ICA1: variants seen among roughly 807,000 people sequenced by gnomAD.
The protein encoded by ICA1 is 69 kDa islet cell autoantigen.
Under a neutral mutation model 71.0 loss-of-function variants are expected in ICA1, and 40 were observed. That is an observed-to-expected ratio of 0.56 (90% confidence interval 0.44 to 0.73). ICA1 has a LOEUF of 0.73. ICA1 is among the 30% of genes least tolerant of loss of function. The probability of loss-of-function intolerance (pLI) is 0.00; values close to 1 mark genes in which losing one functional copy is unlikely to be tolerated. For synonymous variants in ICA1, 207 were observed against 209.5 expected, an observed-to-expected ratio of 0.99 and a Z score of 0.10; for missense variants, 578 against 576.5, an observed-to-expected ratio of 1.00 and a Z score of -0.03.
At chr7:8,237,540 G>T (rs756170038) in intron 1 of ICA1, among the ~76,000 whole-genome samples, 1 of 152,040 alleles carries the variant, frequency 6.6e-6, no homozygotes, top group African/African-American at 2.4e-5. Context: ...CAGATCTCTA[G>T]AACTTTTTCA....
intron 9 of ICA1, 123 bp from the exon 10 acceptor site, chr7:8,141,940 C>T (rs776863849): frequency 3.5e-6 from 5 of 1,440,538 alleles, no homozygotes; most frequent in Non-Finnish European, 4.7e-6. Flanking sequence ...CACACGCACA[C>T]GAAGAAGGGT....
chr7:8,183,318 C>G (rs1026211108), intron 6 of ICA1, among the ~76,000 whole-genome samples: 3 of 152,080 alleles, frequency 2.0e-5, no homozygotes, highest in African/African-American at 4.8e-5. Flanking sequence ...GATATTTGTC[C>G]CGTTAAAGGC....
intron 6 of ICA1, among the ~76,000 whole-genome samples, chr7:8,181,443 G>A (rs549152728): frequency 1.3e-5 from 2 of 152,184 alleles, no homozygotes; most frequent in African/African-American, 4.8e-5. Context: ...TACTTTTAAA[G>A]ATTATCCTGG....
In ICA1 at chr7:8,147,653, T is replaced by G. The variant is rs528694927; in HGVS notation, c.805-3681A>C. ...AAAATTGATACTGAGCACATGGACT[T>G]GTTTATTAAATATTAGAATTTTGAG... On this transcript the variant is annotated intron_variant, in intron 8 of 13. Coordinates refer to ENST00000402384, the MANE Select transcript of ICA1 (RefSeq NM_001136020.3). Among the ~76,000 whole-genome samples, 3 of 151,046 alleles carry G rather than the reference T, an allele frequency of 2.0e-5. No homozygotes were observed. The South Asian group carries it at 6.3e-4, about 32-fold the overall frequency.
chr7:8,139,296 T>C (rs1794432447), intron 10 of ICA1, among the ~76,000 whole-genome samples: 1 of 152,182 alleles, frequency 6.6e-6, no homozygotes, highest in Non-Finnish European at 1.5e-5. Context: ...ATCTAACAAT[T>C]CTCCTTCCAT....
chr7:8,163,757 T>C (rs1373150663), intron 6 of ICA1, among the ~76,000 whole-genome samples: 1 of 152,130 alleles, frequency 6.6e-6, no homozygotes, highest in Non-Finnish European at 1.5e-5. Context: ...AAGCAGGTCC[T>C]AGAGCTGAGA....
intron 4 of ICA1, among the ~76,000 whole-genome samples, chr7:8,224,780 G>A (rs7796406): frequency 0.11 from 16,033 of 152,164 alleles, 2,158 homozygotes; most frequent in African/African-American, 0.32. Context: ...ATCTGTGACC[G>A]TTCCTTAGTC....
intron 6 of ICA1, among the ~76,000 whole-genome samples, chr7:8,200,121 C>T (rs925269613): frequency 8.6e-5 from 13 of 151,886 alleles, no homozygotes; most frequent in Admixed American, 4.6e-4. Flanking sequence ...CCATTTTACA[C>T]GATGTGATTA....
At chr7:8,211,060 T>C (rs1398398681) in intron 6 of ICA1, among the ~76,000 whole-genome samples, 4 of 152,166 alleles carry the variant, frequency 2.6e-5, no homozygotes, top group Non-Finnish European at 5.9e-5. Context: ...CTGTCATACC[T>C]GGAGACTCCT....
Position 8,139,620 on chromosome 7 carries a change from G to T in ICA1, c.956-573C>A, listed in dbSNP as rs80219470. ...ATATATATCATTATACATTTGTAATGCCCACAAAATGTATAACACCAAGCG... is the reference window on the plus strand; with the variant it reads ...ATATATATCATTATACATTTGTAATTCCCACAAAATGTATAACACCAAGCG... On this transcript the variant is annotated intron_variant, in intron 10 of 13. Coordinates refer to ENST00000402384, the MANE Select transcript of ICA1 (RefSeq NM_001136020.3). Among the ~76,000 whole-genome samples the T allele has an allele frequency of 5.9e-3, 897 of 152,266 alleles. 6 individuals carry two copies. The highest frequency in any genetic ancestry group is 0.021 in the African/African-American group (862 of 41,556).
chr7:8,179,089 A>T (rs1175251671), intron 6 of ICA1, among the ~76,000 whole-genome samples: 1 of 152,182 alleles, frequency 6.6e-6, no homozygotes, highest in African/African-American at 2.4e-5. Flanking sequence ...TTTTGGGATG[A>T]CTGAGATGTC....
intron 6 of ICA1, among the ~76,000 whole-genome samples, chr7:8,212,089 T>G (rs1040303190): frequency 2.0e-5 from 3 of 152,190 alleles, no homozygotes; most frequent in African/African-American, 7.2e-5. Context: ...CCAATAATTA[T>G]GCATGAAACA....
intron 6 of ICA1, among the ~76,000 whole-genome samples, chr7:8,197,659 A>G (rs1222936241): frequency 2.0e-5 from 3 of 151,286 alleles, no homozygotes; most frequent in African/African-American, 7.3e-5. Flanking sequence ...CCATCCATTT[A>G]GCTCTATTCA....
intron 6 of ICA1, among the ~76,000 whole-genome samples, chr7:8,169,806 A>C (rs1453857914): frequency 6.6e-6 from 1 of 151,776 alleles, no homozygotes; most frequent in Non-Finnish European, 1.5e-5. Flanking sequence ...TCATTTTCTT[A>C]ATAGTGCCTT....
chr7:8,253,975 A>C (rs985378996), intron 1 of ICA1, among the ~76,000 whole-genome samples: 2 of 152,228 alleles, frequency 1.3e-5, no homozygotes, highest in Non-Finnish European at 2.9e-5. Context: ...TAATGTTTAT[A>C]AGGTTCTCTT....
At chr7:8,115,718 G>C (rs557386052) in intron 13 of ICA1, among the ~76,000 whole-genome samples, 2 of 152,352 alleles carry the variant, frequency 1.3e-5, no homozygotes, top group South Asian at 4.1e-4. Context: ...ACAAGAGAAA[G>C]TCAGTGATAC....
chr7:8,261,701 G>A (rs1812475345), intron 1 of ICA1, among the ~76,000 whole-genome samples: 1 of 151,552 alleles, frequency 6.6e-6, no homozygotes, highest in East Asian at 2.0e-4. Context: ...GCCCACCAGG[G>A]AGCTCGGGGT....
At chr7:8,150,905 A>G (rs2160032) in intron 8 of ICA1, among the ~76,000 whole-genome samples, 116,602 of 152,108 alleles carry the variant, frequency 0.77, 45,073 homozygotes, top group East Asian at 0.96. Flanking sequence ...AGGCAGGAGC[A>G]TCCCAATTCC....
chr7:8,237,488 G>A lies in ICA1; in HGVS notation c.-79-1483C>T, dbSNP rs180812093. Among the ~76,000 whole-genome samples the A allele has an allele frequency of 3.9e-3, 586 of 152,186 alleles. 1 individual carries two copies. The highest frequency in any genetic ancestry group is 6.1e-3 in the Non-Finnish European group (414 of 67,998). Reference sequence around the variant, plus strand: ...AAGTTTATTCTTTTAATTTAAAAGTGTACAGTATAGTAGTGCTAACAATAT... The same window carrying A: ...AAGTTTATTCTTTTAATTTAAAAGTATACAGTATAGTAGTGCTAACAATAT... On this transcript the variant is annotated intron_variant, in intron 1 of 13. Coordinates refer to ENST00000402384, the MANE Select transcript of ICA1 (RefSeq NM_001136020.3).
Sources: gnomAD v4.1 joint callset for allele counts (sites outside exome capture counted in the v4.1 genomes callset) on GRCh38, gnomAD v4.1.1 for gene constraint, MANE v1.5 for transcripts, NCBI Gene and HGNC (gene_info 2026-07-23, HGNC 2026-07-21) for gene names.